Variants in SEMA3E observed in about 807,000 individuals in gnomAD.
The protein encoded by SEMA3E is semaphorin 3E, also known as semaphorin-3E.
SEMA3E carries 49 observed loss-of-function variants against 93.6 expected under a neutral mutation model. The observed-to-expected ratio is 0.52, with a 90% CI of 0.42 to 0.66. The LOEUF (loss-of-function observed/expected upper bound fraction) is 0.66. Ranked by LOEUF, SEMA3E falls within the 30% of genes least tolerant of loss-of-function variation. The pLI, the probability that SEMA3E is intolerant of heterozygous loss-of-function variation, is 0.00. For missense variants in SEMA3E, 906 were observed against 964.8 expected, an observed-to-expected ratio of 0.94 and a Z score of 0.81; for synonymous variants, 363 against 330.7, an observed-to-expected ratio of 1.10 and a Z score of -1.06.
chr7:83,497,056 A>G (rs960711128), intron 1 of SEMA3E, among the ~76,000 whole-genome samples: 11 of 152,116 alleles, frequency 7.2e-5, no homozygotes, highest in Non-Finnish European at 1.6e-4. Flanking sequence ...GAAATTTTCT[A>G]AAGAGGGAAC....
At chr7:83,422,405 G>A (rs1318227369) in intron 4 of SEMA3E, among the ~76,000 whole-genome samples, 1 of 152,056 alleles carries the variant, frequency 6.6e-6, no homozygotes, top group Non-Finnish European at 1.5e-5. Context: ...GTCCAAATGA[G>A]AAAAAATTAT....
chr7:83,445,291 T>C (rs920727555), intron 4 of SEMA3E, among the ~76,000 whole-genome samples: 3 of 152,194 alleles, frequency 2.0e-5, no homozygotes, highest in African/African-American at 7.2e-5. Flanking sequence ...GGCAAAATTT[T>C]TGTTTGTTTT....
chr7:83,460,041 C>T (rs1178927107), intron 4 of SEMA3E, among the ~76,000 whole-genome samples: 2 of 152,164 alleles, frequency 1.3e-5, no homozygotes, highest in African/African-American at 4.8e-5. Flanking sequence ...ACTCAGCCCG[C>T]CTGCACCCAG....
intron 3 of SEMA3E, among the ~76,000 whole-genome samples, chr7:83,466,985 C>T (rs1275589269): frequency 6.7e-6 from 1 of 149,522 alleles, no homozygotes; most frequent in African/African-American, 2.5e-5. Context: ...ACAGTATAAA[C>T]AATGAATCAG....
intron 16 of SEMA3E, among the ~76,000 whole-genome samples, chr7:83,379,239 CAAAAGGTGG>C (rs1216786059): frequency 6.6e-6 from 1 of 151,050 alleles, no homozygotes; most frequent in East Asian, 1.9e-4. Flanking sequence ...CTGGAGGCTC[CAAAAGGTGG>C]GAGGGTGAGA....
intron 1 of SEMA3E, among the ~76,000 whole-genome samples, chr7:83,501,991 T>C (rs1790606269): frequency 6.6e-6 from 1 of 152,146 alleles, no homozygotes; most frequent in African/African-American, 2.4e-5. Flanking sequence ...CTAATAGCTA[T>C]CTTCTCTTAG....
chr7:83,424,064 T>C (rs1470921073), intron 4 of SEMA3E, among the ~76,000 whole-genome samples: 2 of 152,158 alleles, frequency 1.3e-5, no homozygotes, highest in East Asian at 3.9e-4. Flanking sequence ...TCTCTTTATG[T>C]AAAAAGGAGA....
intron 1 of SEMA3E, among the ~76,000 whole-genome samples, chr7:83,605,730 C>A (rs937122189): frequency 6.6e-6 from 1 of 152,072 alleles, no homozygotes; most frequent in African/African-American, 2.4e-5. Context: ...CTGTGCCTGG[C>A]CATAAATGTC....
chr7:83,466,964 GTTT>G (rs1338012772), intron 3 of SEMA3E, among the ~76,000 whole-genome samples: 1 of 150,430 alleles, frequency 6.6e-6, no homozygotes, highest in Admixed American at 6.6e-5. Flanking sequence ...AATGCTGTTA[GTTT>G]TTTAAGTACA....
At chr7:83,400,292 C>G in intron 10 of SEMA3E, 42 bp from the exon 11 acceptor site, 2 of 1,560,506 alleles carry the variant, frequency 1.3e-6, no homozygotes, top group Non-Finnish European at 1.8e-6. Context: ...TGCTTTACAC[C>G]CAAAGAGAAA....
chr7:83,581,634 T>A, intron 1 of SEMA3E, among the ~76,000 whole-genome samples: 1 of 152,094 alleles, frequency 6.6e-6, no homozygotes, highest in Non-Finnish European at 1.5e-5. Context: ...GTAGCTTAAA[T>A]CAAAAATAAA....
intron 16 of SEMA3E, among the ~76,000 whole-genome samples, chr7:83,375,665 A>G (rs17284906): frequency 0.094 from 14,371 of 152,094 alleles, 839 homozygotes; most frequent in East Asian, 0.15. Context: ...CTGCATTACC[A>G]TGTTATCCGG....
intron 1 of SEMA3E, among the ~76,000 whole-genome samples, chr7:83,616,931 G>T (rs1483716904): frequency 6.6e-6 from 1 of 151,938 alleles, no homozygotes; most frequent in African/African-American, 2.4e-5. Flanking sequence ...CACCACGTTG[G>T]CCAGGCTGGT....
intron 16 of SEMA3E, among the ~76,000 whole-genome samples, chr7:83,378,591 G>A (rs1362360912): frequency 6.6e-6 from 1 of 151,848 alleles, no homozygotes; most frequent in Non-Finnish European, 1.5e-5. Context: ...GATGAATCGT[G>A]CCTTAACATC....
chr7:83,441,729 A>C (rs1364476751), intron 4 of SEMA3E, among the ~76,000 whole-genome samples: 1 of 151,520 alleles, frequency 6.6e-6, no homozygotes. Context: ...ATCCAGCAAG[A>C]AACAGATTTT....
intron 1 of SEMA3E, among the ~76,000 whole-genome samples, chr7:83,591,967 G>T (rs1169967583): frequency 6.6e-6 from 1 of 152,024 alleles, no homozygotes; most frequent in African/African-American, 2.4e-5. Context: ...TGCATATATA[G>T]TCATGCAAAA....
At chr7:83,562,498 T>TTATTTATTTATA (rs1357055638) in intron 1 of SEMA3E, among the ~76,000 whole-genome samples, 1 of 150,148 alleles carries the variant, frequency 6.7e-6, no homozygotes, top group Non-Finnish European at 1.5e-5. Flanking sequence ...ATTTATTTAT[T>TTATTTATTTATA]TATTTATTTT....
chr7:83,391,377 T>G (rs1788014586), intron 14 of SEMA3E, among the ~76,000 whole-genome samples: 1 of 152,146 alleles, frequency 6.6e-6, no homozygotes, highest in African/African-American at 2.4e-5. Flanking sequence ...TGCTTGTTTC[T>G]TCATATCCCT....
intron 4 of SEMA3E, among the ~76,000 whole-genome samples, chr7:83,453,781 A>G (rs1402461053): frequency 6.6e-6 from 1 of 152,178 alleles, no homozygotes; most frequent in African/African-American, 2.4e-5. Flanking sequence ...GGTACAAATT[A>G]TAATCTGGAC....
Sources: gnomAD v4.1 joint callset for allele counts (sites outside exome capture counted in the v4.1 genomes callset) on GRCh38, gnomAD v4.1.1 for gene constraint, MANE v1.5 for transcripts, NCBI Gene and HGNC (gene_info 2026-07-23, HGNC 2026-07-21) for gene names.